The following CDC42BPA variants were observed in gnomAD, a reference collection of about 807,000 sequenced individuals.
The protein encoded by CDC42BPA is CDC42 binding protein kinase alpha.
Under a neutral mutation model 223.5 loss-of-function variants are expected in CDC42BPA, and 80 were observed. The observed-to-expected ratio is 0.36, with a 90% confidence interval of 0.30 to 0.43. The LOEUF is 0.43. Ranked by LOEUF, CDC42BPA falls within the 20% of genes least tolerant of loss-of-function variation. CDC42BPA has a pLI of 1.00. For synonymous variants in CDC42BPA, 694 were observed against 718.6 expected (o/e 0.97, Z 0.55); for missense variants, 1,743 against 2,099.9 (o/e 0.83, Z 3.32).
chr1:226,997,538 T>C (rs545764595), intron 35 of CDC42BPA, among the ~76,000 whole-genome samples: 1 of 152,334 alleles, frequency 6.6e-6, no homozygotes, highest in African/African-American at 2.4e-5. Flanking sequence ...TTAATTGTGA[T>C]GTTAGGGTGT....
intron 11 of CDC42BPA, among the ~76,000 whole-genome samples, chr1:227,123,329 G>A (rs1688998642): frequency 6.6e-6 from 1 of 152,048 alleles, no homozygotes; most frequent in Non-Finnish European, 1.5e-5. Context: ...TACGAAACTG[G>A]GTTAGCTGAT....
At chr1:227,300,621 A>G (rs1186878655) in intron 1 of CDC42BPA, among the ~76,000 whole-genome samples, 1 of 152,206 alleles carries the variant, frequency 6.6e-6, no homozygotes, top group Admixed American at 6.5e-5. Context: ...GAGCTAAGCT[A>G]TGGGTACACA....
At position 226,994,775 on chromosome 1, in the gene CDC42BPA, G is replaced by A. The variant is rs747779252; in HGVS notation, c.5133+48C>T. 1.3e-6 allele frequency: 2 copies of A among 1,543,484 alleles called. No homozygotes were observed. Among genetic ancestry groups the A allele is most frequent in the Non-Finnish European group, 1.8e-6 (2 of 1,139,332 alleles). On this transcript the variant is annotated intron_variant, in intron 36 of 36. Transcript: ENST00000366766. The surrounding 1 kb of genome is among the most constrained non-coding windows in gnomAD (Gnocchi z 4.0). The stretch of plus-strand genomic sequence containing the variant: ...AGGTGGTGGGATTGCCTGGGAAGAT[G>A]CCCTAGTCTTTCTGATACATGACGT...
intron 4 of CDC42BPA, among the ~76,000 whole-genome samples, chr1:227,195,753 G>A (rs1670571549): frequency 6.6e-6 from 1 of 151,736 alleles, no homozygotes; most frequent in Admixed American, 6.6e-5. Context: ...TTGAATATTT[G>A]GTACTCCTAA....
chr1:227,194,236 C>T (rs1670288785), intron 4 of CDC42BPA, among the ~76,000 whole-genome samples: 1 of 152,132 alleles, frequency 6.6e-6, no homozygotes, highest in South Asian at 2.1e-4. Flanking sequence ...CAATGGAACA[C>T]AGCTTTCCAA....
chr1:227,304,276 C>A (rs1471592323), intron 1 of CDC42BPA, among the ~76,000 whole-genome samples: 1 of 152,060 alleles, frequency 6.6e-6, no homozygotes, highest in Non-Finnish European at 1.5e-5. Context: ...CATAGTAGCA[C>A]ATGTCTGCAG....
chr1:227,154,782 A>C (rs985244875), intron 6 of CDC42BPA, among the ~76,000 whole-genome samples: 8 of 152,120 alleles, frequency 5.3e-5, no homozygotes, highest in African/African-American at 1.9e-4. Context: ...TATAGACATA[A>C]ATGTTCCCAA....
At chr1:227,300,441 T>C (rs1691419697) in intron 1 of CDC42BPA, among the ~76,000 whole-genome samples, 1 of 152,068 alleles carries the variant, frequency 6.6e-6, no homozygotes. Context: ...AATGTAGGGA[T>C]AAAGAATATA....
At chr1:227,172,664 T>C (rs903515360) in intron 5 of CDC42BPA, among the ~76,000 whole-genome samples, 1 of 151,866 alleles carries the variant, frequency 6.6e-6, no homozygotes, top group African/African-American at 2.4e-5. Flanking sequence ...GGATAGATAG[T>C]ATAGTTGGGG....
intron 10 of CDC42BPA, among the ~76,000 whole-genome samples, chr1:227,135,890 A>C: frequency 7.1e-6 from 1 of 141,422 alleles, no homozygotes; most frequent in Non-Finnish European, 1.5e-5. Flanking sequence ...AAAAAAAAAA[A>C]AAAAAAAAAA....
chr1:227,107,838 A>C (rs74736958), intron 14 of CDC42BPA, among the ~76,000 whole-genome samples: 1 of 152,176 alleles, frequency 6.6e-6, no homozygotes, highest in Non-Finnish European at 1.5e-5. Context: ...CCTTCTAAGA[A>C]TTTGTCCATT....
intron 5 of CDC42BPA, among the ~76,000 whole-genome samples, chr1:227,187,373 A>G (rs951237055): frequency 2.0e-5 from 3 of 152,126 alleles, no homozygotes; most frequent in African/African-American, 7.2e-5. Flanking sequence ...TAACAGAAAT[A>G]AATAATATTT....
At chr1:227,091,807 TAA>T in intron 16 of CDC42BPA, 77 bp downstream of exon 16, 1 of 700,272 alleles carries the variant, frequency 1.4e-6, no homozygotes, top group Non-Finnish European at 2.3e-6. Context: ...ATGTCAAATA[TAA>T]AGTTATACCC....
In CDC42BPA at chr1:227,126,519, G is replaced by GGAA. The variant is rs1255853712; in HGVS notation, c.1513+2589_1513+2590insTTC. 6.9e-3 allele frequency among the ~76,000 whole-genome samples: 557 copies of GGAA among 80,806 alleles called. 14 individuals carry two copies. Among genetic ancestry groups the GGAA allele is most frequent in the African/African-American group, 0.024 (514 of 21,218 alleles). The allele number at this position is 80,806 out of a possible 152,430, so 53.0% of individuals were successfully genotyped here. A position where few individuals can be genotyped will look rare whatever the true frequency, so the allele number is the denominator to read the frequency against. On this transcript the variant is annotated intron_variant, in intron 11 of 36. Transcript: ENST00000366766. ...AGGAAGGAAGGAAGGAAGGAAGGAA[G>GGAA]GTAAGAAAGGAAAAAGAAGAAAAAA... is the stretch of plus-strand genomic sequence containing the variant.
intron 1 of CDC42BPA, among the ~76,000 whole-genome samples, chr1:227,288,989 T>C (rs1689248091): frequency 6.7e-6 from 1 of 150,132 alleles, no homozygotes; most frequent in Admixed American, 6.8e-5. Flanking sequence ...AGCAAAACTC[T>C]TGTTTCAAAA....
At chr1:227,095,542 TAA>T (rs1189717051) in intron 15 of CDC42BPA, among the ~76,000 whole-genome samples, 2 of 151,454 alleles carry the variant, frequency 1.3e-5, no homozygotes, top group African/African-American at 2.4e-5. Context: ...ACAGTTTTAA[TAA>T]GACTTAAAAA....
intron 5 of CDC42BPA, among the ~76,000 whole-genome samples, chr1:227,185,400 C>A (rs191635989): frequency 7.2e-5 from 11 of 152,280 alleles, no homozygotes; most frequent in Non-Finnish European, 1.0e-4. Context: ...CCCTTGCCCC[C>A]ACATGTGCCT....
chr1:227,131,774 C>T (rs989853557), intron 10 of CDC42BPA, among the ~76,000 whole-genome samples: 1 of 152,136 alleles, frequency 6.6e-6, no homozygotes, highest in Non-Finnish European at 1.5e-5. Context: ...GCACTGAAAC[C>T]ATTTACTTCT....
intron 2 of CDC42BPA, among the ~76,000 whole-genome samples, chr1:227,242,362 T>C (rs1469859657): frequency 1.3e-5 from 2 of 152,098 alleles, no homozygotes; most frequent in Non-Finnish European, 2.9e-5. Context: ...ACAAGGATGA[T>C]GCCCACTTTC....
Sources: allele counts gnomAD v4.1 joint callset (sites outside exome capture counted in the v4.1 genomes callset), GRCh38; gene constraint gnomAD v4.1.1; non-coding constraint Gnocchi (gnomAD v3.1); transcripts MANE v1.5; gene names NCBI Gene and HGNC (gene_info 2026-07-23, HGNC 2026-07-21).